THSD7B: variants seen among roughly 807,000 people sequenced by gnomAD.
The protein encoded by THSD7B is thrombospondin type-1 domain-containing protein 7B.
THSD7B carries 138 observed loss-of-function variants against 213.6 expected under a neutral mutation model. The ratio of observed to expected loss-of-function variants is 0.65; its 90% CI spans 0.56 to 0.74. The LOEUF (loss-of-function observed/expected upper bound fraction) is 0.74, where lower values mean the gene tolerates loss of function less well. Ranked by LOEUF, THSD7B falls within the 30% of genes least tolerant of loss-of-function variation. The pLI is 0.00. For synonymous variants in THSD7B, 742 were observed against 687.0 expected (o/e 1.08, Z -1.25); for missense variants, 1,931 against 1,991.5 (o/e 0.97, Z 0.58).
At chr2:137,056,271 T>G in intron 2 of THSD7B, 149 bp from the exon 3 acceptor site, 1 of 720,824 alleles carries the variant, frequency 1.4e-6, no homozygotes, top group Non-Finnish European at 2.2e-6. Context: ...GTCCACATTC[T>G]GAACCACTAA....
intron 2 of THSD7B, among the ~76,000 whole-genome samples, chr2:137,030,229 G>A (rs954495639): frequency 6.6e-6 from 1 of 152,158 alleles, no homozygotes; most frequent in African/African-American, 2.4e-5. Context: ...GATGCTTAGA[G>A]AAAGGAAAAC....
At chr2:136,954,405 A>G (rs1286195453) in intron 2 of THSD7B, among the ~76,000 whole-genome samples, 1 of 152,132 alleles carries the variant, frequency 6.6e-6, no homozygotes. Context: ...TTGACCAGTT[A>G]GTGCCTCTGC....
At chr2:136,814,602 G>T in intron 1 of THSD7B, among the ~76,000 whole-genome samples, 1 of 152,092 alleles carries the variant, frequency 6.6e-6, no homozygotes, top group Non-Finnish European at 1.5e-5. Flanking sequence ...GTTTCACCGT[G>T]TTAGCGAGAA....
chr2:137,121,741 A>G (rs116006901), intron 5 of THSD7B, among the ~76,000 whole-genome samples: 129 of 152,360 alleles, frequency 8.5e-4, no homozygotes, highest in African/African-American at 2.9e-3. Flanking sequence ...CCAAGTGTCA[A>G]TACTCTTCAT....
At chr2:136,948,593 G>C (rs1033392691) in intron 2 of THSD7B, among the ~76,000 whole-genome samples, 1 of 152,064 alleles carries the variant, frequency 6.6e-6, no homozygotes, top group Non-Finnish European at 1.5e-5. Context: ...AACGGTATTT[G>C]TATGATATGT....
chr2:137,375,454 G>A, intron 12 of THSD7B, among the ~76,000 whole-genome samples: 1 of 152,070 alleles, frequency 6.6e-6, no homozygotes, highest in Non-Finnish European at 1.5e-5. Context: ...CTTCCCTATT[G>A]CATTAAAATA....
intron 12 of THSD7B, among the ~76,000 whole-genome samples, chr2:137,364,796 G>A (rs985047630): frequency 2.0e-5 from 3 of 152,088 alleles, no homozygotes; most frequent in Non-Finnish European, 4.4e-5. Flanking sequence ...AATCAATATC[G>A]TGAAAATGGC....
chr2:137,093,040 A>G (rs1480807752), intron 3 of THSD7B, among the ~76,000 whole-genome samples: 1 of 152,210 alleles, frequency 6.6e-6, no homozygotes, highest in African/African-American at 2.4e-5. Context: ...TTCGAATATT[A>G]TCCTTTTCCT....
chr2:136,855,909 C>G lies in THSD7B; in HGVS notation c.-35-26235C>G, dbSNP rs544727492. On this transcript the variant is annotated intron_variant, in intron 1 of 27. Transcript: ENST00000409968. ...ACTCTTTCCTCTGCCTGGATTACCC[C>G]CCTCCTTTTCCCCAGATCTTCACAT... 6.8e-4 allele frequency among the ~76,000 whole-genome samples: 104 copies of G among 152,076 alleles called. 1 individual carries two copies. The highest frequency in any genetic ancestry group is 3.4e-3 in the Middle Eastern group (1 of 294).
chr2:136,990,986 G>A lies in THSD7B; in HGVS notation c.140-65434G>A, dbSNP rs775029672. 68 of 1,285,010 alleles carry A rather than the reference G, an allele frequency of 5.3e-5. No individual in the cohort carries two copies. In the Admixed American group the frequency reaches 5.7e-4, roughly 11 times the overall value. The allele number at this position is 1,285,010 out of a possible 1,614,324, so 79.6% of individuals were successfully genotyped here. A position where few individuals can be genotyped will look rare whatever the true frequency, so the allele number is the denominator to read the frequency against. On this transcript the variant is annotated intron_variant, in intron 2 of 27. Coordinates refer to ENST00000409968, the MANE Select transcript of THSD7B (RefSeq NM_001316349.2). ...GGAAAGACATCAAAACTATCACATC[G>A]TCTCTGCTGGCACAGGTGAATACCT... is the stretch of plus-strand genomic sequence containing the variant.
At chr2:137,317,185 A>G (rs1684130765) in intron 12 of THSD7B, among the ~76,000 whole-genome samples, 1 of 152,162 alleles carries the variant, frequency 6.6e-6, no homozygotes, top group Admixed American at 6.5e-5. Flanking sequence ...CATCAGTGAA[A>G]TGAGACTATC....
At chr2:136,792,451 C>T (rs768589911) in intron 1 of THSD7B, among the ~76,000 whole-genome samples, 9 of 151,904 alleles carry the variant, frequency 5.9e-5, no homozygotes, top group Non-Finnish European at 1.0e-4. Context: ...TACCTGCCAT[C>T]GTACATTTGT....
At chr2:137,415,911 T>C (rs1471744496) in intron 14 of THSD7B, among the ~76,000 whole-genome samples, 2 of 152,116 alleles carry the variant, frequency 1.3e-5, no homozygotes, top group Non-Finnish European at 2.9e-5. Context: ...ACACATTATA[T>C]ATTTACTTTT....
rs887171081 is a variant in THSD7B, at chr2:137,450,775, T to G, written c.2960-70T>G. ...GTTGAAAAAATCCAAACTGTGATCATGGAAATAGAAAGTGAATTTGATCAG... is the reference window on the plus strand; with the variant it reads ...GTTGAAAAAATCCAAACTGTGATCAGGGAAATAGAAAGTGAATTTGATCAG... On this transcript the variant is annotated intron_variant, in intron 14 of 27. Transcript: ENST00000409968. The G allele has an allele frequency of 2.7e-5, 33 of 1,211,608 alleles. 1 individual carries two copies. The African/African-American group carries it at 4.6e-4, about 17-fold the overall frequency. 75.1% of individuals were successfully genotyped at this position (1,211,608 alleles called of 1,614,324 possible).
intron 2 of THSD7B, among the ~76,000 whole-genome samples, chr2:136,900,341 A>G (rs1684042542): frequency 6.6e-6 from 1 of 152,114 alleles, no homozygotes; most frequent in African/African-American, 2.4e-5. Flanking sequence ...GTGATAGCTA[A>G]AAAGTTTCCT....
At chr2:137,099,508 G>C (rs1688107457) in intron 4 of THSD7B, among the ~76,000 whole-genome samples, 1 of 152,198 alleles carries the variant, frequency 6.6e-6, no homozygotes, top group African/African-American at 2.4e-5. Context: ...CGCTTTAATA[G>C]AGAGGCCCAT....
intron 24 of THSD7B, among the ~76,000 whole-genome samples, chr2:137,658,469 A>C (rs866276920): frequency 6.6e-6 from 1 of 152,208 alleles, no homozygotes; most frequent in Middle Eastern, 3.2e-3. Context: ...AGAATTAAAA[A>C]ATATGTTCTA....
intron 1 of THSD7B, among the ~76,000 whole-genome samples, chr2:136,798,559 C>A (rs1170183011): frequency 6.6e-6 from 1 of 151,984 alleles, no homozygotes; most frequent in Non-Finnish European, 1.5e-5. Context: ...TCCCTGTCTT[C>A]TAAATGGTAG....
At chr2:137,129,451 T>A (rs547649571) in intron 5 of THSD7B, among the ~76,000 whole-genome samples, 51 of 152,250 alleles carry the variant, frequency 3.3e-4, no homozygotes, top group African/African-American at 1.1e-3. Flanking sequence ...ATTACTTTTT[T>A]TTTTTTAAGA....
Sources: gnomAD v4.1 joint callset for allele counts (sites outside exome capture counted in the v4.1 genomes callset) on GRCh38, gnomAD v4.1.1 for gene constraint, MANE v1.5 for transcripts, NCBI Gene and HGNC (gene_info 2026-07-23, HGNC 2026-07-21) for gene names.